The following KLF12 variants were observed in gnomAD, a reference collection of about 807,000 sequenced individuals.
KLF12 encodes the protein Krueppel-like factor 12.
Under a neutral mutation model 37.8 loss-of-function variants are expected in KLF12, and 9 were observed. The observed-to-expected ratio is 0.24, with a 90% CI of 0.14 to 0.42. KLF12 has a LOEUF of 0.42. Ranked by LOEUF, KLF12 falls within the 10% of genes least tolerant of loss-of-function variation. The probability of loss-of-function intolerance (pLI) is 1.00; values close to 1 mark genes in which losing one functional copy is unlikely to be tolerated. For missense variants in KLF12, 411 were observed against 516.0 expected (o/e 0.80, Z 1.97); for synonymous variants, 208 against 202.1 (o/e 1.03, Z -0.25).
chr13:74,045,810 T>C (rs897610539), intron 1 of KLF12, among the ~76,000 whole-genome samples: 1 of 152,186 alleles, frequency 6.6e-6, no homozygotes, highest in Non-Finnish European at 1.5e-5. Flanking sequence ...GTGTGTCACC[T>C]GCAATGGGAG....
chr13:73,877,179 C>T (rs1242127212), intron 3 of KLF12, among the ~76,000 whole-genome samples: 1 of 152,042 alleles, frequency 6.6e-6, no homozygotes, highest in Non-Finnish European at 1.5e-5. Context: ...TATATAAGGA[C>T]ATTAGAAACT....
At chr13:73,736,413 C>A (rs184767302) in intron 6 of KLF12, among the ~76,000 whole-genome samples, 235 of 152,226 alleles carry the variant, frequency 1.5e-3, no homozygotes, top group Admixed American at 3.3e-3. Context: ...TTCCAGCTAC[C>A]TATATAAACT....
At chr13:73,963,875 T>C (rs534594056) in intron 2 of KLF12, among the ~76,000 whole-genome samples, 3 of 152,364 alleles carry the variant, frequency 2.0e-5, no homozygotes, top group South Asian at 4.1e-4. Flanking sequence ...TAAAGTCTGA[T>C]TGATTGGTTC....
chr13:73,966,689 A>G (rs1264558145), intron 2 of KLF12, among the ~76,000 whole-genome samples: 1 of 152,164 alleles, frequency 6.6e-6, no homozygotes, highest in African/African-American at 2.4e-5. Flanking sequence ...ATCTTCCACA[A>G]TCCTTTCTCC....
intron 5 of KLF12, among the ~76,000 whole-genome samples, chr13:73,768,791 G>T (rs1442882843): frequency 6.6e-6 from 1 of 152,116 alleles, no homozygotes; most frequent in Non-Finnish European, 1.5e-5. Flanking sequence ...TAGAAGATTA[G>T]GTAACTTGCT....
intron 1 of KLF12, among the ~76,000 whole-genome samples, chr13:74,118,770 C>T (rs894778000): frequency 6.6e-6 from 1 of 152,076 alleles, no homozygotes; most frequent in Non-Finnish European, 1.5e-5. Flanking sequence ...TAAGAGGGTG[C>T]AAGTCTGTTA....
intron 1 of KLF12, among the ~76,000 whole-genome samples, chr13:74,111,548 G>C (rs1344827301): frequency 6.6e-6 from 1 of 152,098 alleles, no homozygotes; most frequent in African/African-American, 2.4e-5. Context: ...AGCATTTGGG[G>C]ATGTTTCATG....
At chr13:73,863,385 C>T (rs945050325) in intron 3 of KLF12, among the ~76,000 whole-genome samples, 14 of 152,070 alleles carry the variant, frequency 9.2e-5, no homozygotes, top group African/African-American at 2.9e-4. Context: ...GCTCTTGTTC[C>T]GTGACCATAA....
At chr13:74,253,119 CT>C in the KLF12 span, among the ~76,000 whole-genome samples, 1 of 152,136 alleles carries the variant, frequency 6.6e-6, no homozygotes, top group African/African-American at 2.4e-5. Flanking sequence ...CATTCATCAT[CT>C]GTATTTCTAG....
At chr13:74,126,952 T>C (rs189823563) in intron 1 of KLF12, among the ~76,000 whole-genome samples, 11 of 152,388 alleles carry the variant, frequency 7.2e-5, no homozygotes, top group Admixed American at 7.2e-4. Flanking sequence ...TGTATTATAC[T>C]AGGTATACAA....
At chr13:74,252,735 T>C in the KLF12 span, among the ~76,000 whole-genome samples, 1 of 152,214 alleles carries the variant, frequency 6.6e-6, no homozygotes. Context: ...TAAAGACAAC[T>C]ACCAGCTTTG....
chr13:73,975,294 A>G (rs112395558), intron 2 of KLF12, among the ~76,000 whole-genome samples: 185 of 152,280 alleles, frequency 1.2e-3, no homozygotes, highest in African/African-American at 3.8e-3. Flanking sequence ...TCTTTAAACT[A>G]TATGTGTTGT....
chr13:73,864,172 T>C (rs12430528), intron 3 of KLF12, among the ~76,000 whole-genome samples: 11,550 of 152,100 alleles, frequency 0.076, 769 homozygotes, highest in African/African-American at 0.18. Flanking sequence ...GAATTCTAAA[T>C]AGCAATTCAA....
chr13:74,228,576 GC>G, the KLF12 span, among the ~76,000 whole-genome samples: 1 of 152,024 alleles, frequency 6.6e-6, no homozygotes, highest in African/African-American at 2.4e-5. Context: ...CAGTAGCAGA[GC>G]TTAAATGAGA....
chr13:74,156,663 C>G, the KLF12 span, among the ~76,000 whole-genome samples: 1 of 141,212 alleles, frequency 7.1e-6, no homozygotes, highest in African/African-American at 2.6e-5. Context: ...AATCCTTCTA[C>G]TCTCTATGTT....
intron 6 of KLF12, among the ~76,000 whole-genome samples, chr13:73,753,231 C>T (rs573541496): frequency 5.3e-5 from 8 of 152,246 alleles, no homozygotes; most frequent in African/African-American, 1.9e-4. Flanking sequence ...CACGCTTCCC[C>T]TCATTCACTT....
At chr13:74,281,579 A>G in the KLF12 span, among the ~76,000 whole-genome samples, 1 of 152,246 alleles carries the variant, frequency 6.6e-6, no homozygotes, top group African/African-American at 2.4e-5. Flanking sequence ...CATTTTAAAA[A>G]TCAGTTAGAA....
At chr13:73,839,258 A>ATTTTTT (rs768668350) in intron 4 of KLF12, among the ~76,000 whole-genome samples, 1 of 113,044 alleles carries the variant, frequency 8.8e-6, no homozygotes, top group Non-Finnish European at 1.9e-5. Flanking sequence ...ATACCTGGTT[A>ATTTTTT]TTTTTTTTTT....
chr13:73,795,956 A>G (rs1451892633), intron 5 of KLF12, among the ~76,000 whole-genome samples: 2 of 152,256 alleles, frequency 1.3e-5, no homozygotes, highest in African/African-American at 4.8e-5. Context: ...GGAGATAAAA[A>G]TAACTCTGGC....
Sources: gnomAD v4.1 joint callset for allele counts (sites outside exome capture counted in the v4.1 genomes callset) on GRCh38, gnomAD v4.1.1 for gene constraint, MANE v1.5 for transcripts, NCBI Gene and HGNC (gene_info 2026-07-23, HGNC 2026-07-21) for gene names.